Variants in AK9 observed in about 807,000 individuals in gnomAD.
The protein encoded by AK9 is adenylate kinase 9, also known as adenylate kinase domain containing 1.
A neutral mutation model predicts 239.6 loss-of-function variants in AK9; 191 were observed. The ratio of observed to expected loss-of-function variants is 0.80; its 90% CI spans 0.71 to 0.90. AK9 has a LOEUF of 0.90. Among genes scored for constraint, AK9 ranks in the 40% least tolerant of loss-of-function variants. The probability of loss-of-function intolerance (pLI) is 0.00; values close to 1 mark genes in which losing one functional copy is unlikely to be tolerated. For synonymous variants in AK9, 689 were observed against 721.0 expected (o/e 0.96, Z 0.71); for missense variants, 1,995 against 2,214.7 (o/e 0.90, Z 1.99).
chr6:109,593,065 T>C (rs936682613), intron 17 of AK9, among the ~76,000 whole-genome samples: 1 of 152,042 alleles, frequency 6.6e-6, no homozygotes, highest in Non-Finnish European at 1.5e-5. Flanking sequence ...ATTACTTTTC[T>C]TTCTTTATTT....
intron 12 of AK9, among the ~76,000 whole-genome samples, chr6:109,625,460 C>T (rs551597626): frequency 5.3e-5 from 8 of 152,142 alleles, no homozygotes; most frequent in Non-Finnish European, 1.0e-4. Context: ...GGCCATGGAC[C>T]GGTAGGAACT....
chr6:109,635,198 T>C (rs1350127263), intron 10 of AK9, among the ~76,000 whole-genome samples: 1 of 152,184 alleles, frequency 6.6e-6, no homozygotes, highest in African/African-American at 2.4e-5. Flanking sequence ...AGCTCACCAG[T>C]TACAGCTACA....
chr6:109,596,681 G>A (rs757448864), intron 17 of AK9, among the ~76,000 whole-genome samples: 1 of 152,102 alleles, frequency 6.6e-6, no homozygotes, highest in South Asian at 2.1e-4. Context: ...GGAAGGGAGG[G>A]GTGGCTAAGG....
intron 12 of AK9, among the ~76,000 whole-genome samples, chr6:109,620,124 C>A (rs1161375882): frequency 1.3e-5 from 2 of 152,076 alleles, no homozygotes; most frequent in Non-Finnish European, 2.9e-5. Context: ...AACACTTGTA[C>A]AGAAGTCTTT....
chr6:109,526,662 TC>T (rs1190255469), intron 29 of AK9, among the ~76,000 whole-genome samples: 8 of 152,320 alleles, frequency 5.3e-5, no homozygotes, highest in Non-Finnish European at 1.2e-4. Context: ...TCTCAGGGCT[TC>T]CTGACACAGG....
chr6:109,612,366 C>T (rs1031694206), intron 15 of AK9, among the ~76,000 whole-genome samples: 1 of 152,100 alleles, frequency 6.6e-6, no homozygotes, highest in East Asian at 1.9e-4. Flanking sequence ...CAACTAACAC[C>T]CTCTTGACTC....
At chr6:109,550,388 T>C (rs1784219490) in intron 24 of AK9, 86 bp from the exon 25 acceptor site, 2 of 1,225,246 alleles carry the variant, frequency 1.6e-6, no homozygotes, top group Admixed American at 2.4e-5. Flanking sequence ...TCTTGAATAA[T>C]ATTTAATCTG....
At position 109,586,072 on chromosome 6, in the gene AK9, C is replaced by T. The variant is rs2128212996; in HGVS notation, c.1843G>A (p.Val615Ile). 1 of 1,549,022 alleles carries T rather than the reference C, an allele frequency of 6.5e-7. No individual in the cohort carries two copies. The highest frequency in any genetic ancestry group is 8.7e-7 in the Non-Finnish European group (1 of 1,146,118). ...AEILQEVLGE[V>I]MEENKDRFPG... The stretch of plus-strand genomic sequence containing the variant: ...AACCTATCCTTGTTTTCTTCCATTA[C>T]CTGTGAAAAATTGTACACTGATATT... Residue 615 changes from valine to isoleucine, a missense_variant and splice_region_variant, in exon 18 of 41, where the codon GTA becomes ATA. Coordinates refer to ENST00000424296, the MANE Select transcript of AK9 (RefSeq NM_001145128.3).
At chr6:109,672,742 C>A (rs766688874) in intron 3 of AK9, among the ~76,000 whole-genome samples, 1 of 151,946 alleles carries the variant, frequency 6.6e-6, no homozygotes, top group South Asian at 2.1e-4. Flanking sequence ...ACTCTGTAAA[C>A]GCCTCTGCAC....
chr6:109,623,343 C>T (rs1439681028), intron 12 of AK9, among the ~76,000 whole-genome samples: 1 of 152,134 alleles, frequency 6.6e-6, no homozygotes, highest in Non-Finnish European at 1.5e-5. Context: ...TAGTGGATGA[C>T]TTTTAAGACT....
chr6:109,602,880 T>C (rs1278744772), intron 17 of AK9, among the ~76,000 whole-genome samples: 1 of 152,222 alleles, frequency 6.6e-6, no homozygotes, highest in Non-Finnish European at 1.5e-5. Context: ...CTGAAGCTTG[T>C]GTATTCGTCA....
At chr6:109,675,548 T>G (rs829815) in intron 2 of AK9, 81 bp downstream of exon 2, 346,190 of 947,062 alleles carry the variant, frequency 0.37, 67,474 homozygotes, top group African/African-American at 0.64. Context: ...CAATATGTGG[T>G]TTTTATTTTT....
intron 20 of AK9, among the ~76,000 whole-genome samples, chr6:109,575,829 T>C (rs1787996266): frequency 1.3e-5 from 2 of 152,190 alleles, no homozygotes; most frequent in Non-Finnish European, 2.9e-5. Context: ...CCATCTTCAG[T>C]TGATTTCTGA....
At chr6:109,684,278 C>G (rs953002615) in intron 1 of AK9, among the ~76,000 whole-genome samples, 1 of 152,046 alleles carries the variant, frequency 6.6e-6, no homozygotes, top group Non-Finnish European at 1.5e-5. Context: ...AACGTAAGAC[C>G]CAGGACCATA....
At position 109,573,500 on chromosome 6, in the gene AK9, C is replaced by A. The variant is rs889972020; in HGVS notation, c.2286G>T (p.Gly762=). ...CTTCAAACTCCTCAGGTAACCATGA[C>A]CCTCGGGTATCGTGAGATGCCTCAG... ...EEPEASHDTR[G]SWLPEEFEAS... The change falls in exon 21 of 41, where the codon GGG becomes GGT. Residue 762 remains glycine, a synonymous_variant. Transcript: ENST00000424296. 5 of 1,551,424 alleles carry A rather than the reference C, an allele frequency of 3.2e-6. No individual in the cohort carries two copies. Among genetic ancestry groups the A allele is most frequent in the Admixed American group, 2.0e-5 (1 of 50,980 alleles).
chr6:109,600,480 C>T (rs893491869), intron 17 of AK9, among the ~76,000 whole-genome samples: 22 of 152,132 alleles, frequency 1.4e-4, no homozygotes, highest in Non-Finnish European at 2.8e-4. Flanking sequence ...TTTGGTTTAC[C>T]AGTATTTTAT....
At position 109,506,642 on chromosome 6, in the gene AK9, C is replaced by A; in HGVS notation, c.4628+12G>T. 6.5e-7 allele frequency: 1 copy of A among 1,534,550 alleles called. No individual in the cohort carries two copies. Among genetic ancestry groups the A allele is most frequent in the Non-Finnish European group, 8.8e-7 (1 of 1,135,442 alleles). The stretch of plus-strand genomic sequence containing the variant: ...TTTATTCCTTTTTTGTTGTCTTCAT[C>A]ATGTACATTACCTTTGTTCATTTTC... On this transcript the variant is annotated intron_variant, in intron 34 of 40. Transcript: ENST00000424296.
intron 1 of AK9, among the ~76,000 whole-genome samples, chr6:109,690,836 C>T (rs1310475031): frequency 6.6e-6 from 1 of 152,112 alleles, no homozygotes; most frequent in Non-Finnish European, 1.5e-5. Context: ...AAACGTGTGG[C>T]AAAGCCACAC....
At chr6:109,651,415 A>T (rs1042929974) in intron 8 of AK9, among the ~76,000 whole-genome samples, 5 of 152,336 alleles carry the variant, frequency 3.3e-5, no homozygotes, top group African/African-American at 1.2e-4. Flanking sequence ...ACATATTCAA[A>T]GCAGTGTTTA....
Sources: gnomAD v4.1 joint callset for allele counts (sites outside exome capture counted in the v4.1 genomes callset) on GRCh38, gnomAD v4.1.1 for gene constraint, MANE v1.5 for transcripts, NCBI Gene and HGNC (gene_info 2026-07-23, HGNC 2026-07-21) for gene names.